The following KIRREL1 variants were observed in gnomAD, a reference collection of about 807,000 sequenced individuals.
KIRREL1 encodes the protein kirre like nephrin family adhesion molecule 1.
KIRREL1 carries 25 observed loss-of-function variants against 83.3 expected under a neutral mutation model. The ratio of observed to expected loss-of-function variants is 0.30; its 90% CI spans 0.22 to 0.42. KIRREL1 has a LOEUF of 0.42. KIRREL1 is among the 10% of genes least tolerant of loss of function. The pLI, the probability that KIRREL1 is intolerant of heterozygous loss-of-function variation, is 1.00. For missense variants in KIRREL1, 812 were observed against 1,032.3 expected (o/e 0.79, Z 2.92); for synonymous variants, 388 against 410.4 (o/e 0.95, Z 0.66).
At chr1:158,072,915 G>A (rs1315552595) in intron 1 of KIRREL1, among the ~76,000 whole-genome samples, 1 of 152,010 alleles carries the variant, frequency 6.6e-6, no homozygotes, top group African/African-American at 2.4e-5. Context: ...GCATTACAAT[G>A]TAAAAGGGGG....
chr1:158,077,958 C>T, intron 2 of KIRREL1, 33 bp from the exon 3 acceptor site: 1 of 1,610,724 alleles, frequency 6.2e-7, no homozygotes, highest in Admixed American at 1.7e-5. Flanking sequence ...GTCCTTGTTT[C>T]AAGGTTGGGC....
At chr1:158,019,260 G>T (rs1356047432) in intron 1 of KIRREL1, among the ~76,000 whole-genome samples, 1 of 152,138 alleles carries the variant, frequency 6.6e-6, no homozygotes, top group African/African-American at 2.4e-5. Flanking sequence ...AAGAGCTGAG[G>T]CATAGCTCTG....
chr1:158,021,157 G>A (rs765951435), intron 1 of KIRREL1, among the ~76,000 whole-genome samples: 6 of 152,020 alleles, frequency 3.9e-5, no homozygotes, highest in Non-Finnish European at 7.4e-5. Context: ...AAAAAATGCC[G>A]TATCCTAGGG....
intron 1 of KIRREL1, among the ~76,000 whole-genome samples, chr1:158,054,212 C>CAAAAAAA (rs57034495): frequency 3.5e-5 from 3 of 85,096 alleles, no homozygotes; most frequent in East Asian, 3.0e-4. Context: ...GACTCCATCT[C>CAAAAAAA]AAAAAAAAAA....
intron 1 of KIRREL1, among the ~76,000 whole-genome samples, chr1:158,002,272 C>A (rs1471640484): frequency 6.6e-6 from 1 of 152,178 alleles, no homozygotes; most frequent in Non-Finnish European, 1.5e-5. Flanking sequence ...CTCTTTGTTA[C>A]CTGTCCCCCC....
chr1:158,006,514 C>T (rs2101628991), intron 1 of KIRREL1, among the ~76,000 whole-genome samples: 1 of 152,344 alleles, frequency 6.6e-6, no homozygotes, highest in South Asian at 2.1e-4. Flanking sequence ...GCGAGACTGC[C>T]TCCTGGGCCC....
chr1:158,018,742 C>T (rs952788098), intron 1 of KIRREL1, among the ~76,000 whole-genome samples: 10 of 152,088 alleles, frequency 6.6e-5, no homozygotes, highest in African/African-American at 2.4e-4. Context: ...GGCCTCCTTC[C>T]CTGGAGGCCA....
chr1:158,035,729 AAGAACCAC>A (rs1434677224), intron 1 of KIRREL1, among the ~76,000 whole-genome samples: 4 of 152,150 alleles, frequency 2.6e-5, no homozygotes, highest in African/African-American at 9.7e-5. Context: ...CGGGGCTTTA[AAGAACCAC>A]TTTGATGGAG....
At position 158,096,666 on chromosome 1, in the gene KIRREL1, A is replaced by G. The variant is rs1169165741; in HGVS notation, c.*1546A>G. On this transcript the variant is annotated 3_prime_UTR_variant, in exon 15 of 15. Transcript: ENST00000359209. ...TCCTCCTCCATGTGCACGCACATCC[A>G]ACACACACCTTCCATGTGACTGCTT... The G allele has an allele frequency of 2.2e-6, 1 of 456,722 alleles. No individual in the cohort carries two copies. The highest frequency in any genetic ancestry group is 1.5e-5 in the South Asian group (1 of 64,568). 28.3% of individuals were successfully genotyped at this position (456,722 alleles called of 1,614,324 possible). A position where few individuals can be genotyped will look rare whatever the true frequency, so the allele number is the denominator to read the frequency against.
chr1:158,041,519 A>G (rs972297408), intron 1 of KIRREL1, among the ~76,000 whole-genome samples: 2 of 152,170 alleles, frequency 1.3e-5, no homozygotes, highest in Non-Finnish European at 2.9e-5. Flanking sequence ...TTGAGTGTCT[A>G]AGGAGAAAGG....
chr1:158,078,548 C>T (rs577741281), intron 3 of KIRREL1, among the ~76,000 whole-genome samples: 5 of 152,280 alleles, frequency 3.3e-5, no homozygotes, highest in South Asian at 2.1e-4. Context: ...TCAGCTGCCT[C>T]GGAGACCCCA....
At chr1:158,028,520 A>G (rs1224601368) in intron 1 of KIRREL1, among the ~76,000 whole-genome samples, 1 of 152,182 alleles carries the variant, frequency 6.6e-6, no homozygotes, top group Non-Finnish European at 1.5e-5. Context: ...TGGAGTATTC[A>G]TTCCATTTGC....
At chr1:158,010,028 C>T (rs191569188) in intron 1 of KIRREL1, among the ~76,000 whole-genome samples, 2 of 152,212 alleles carry the variant, frequency 1.3e-5, no homozygotes, top group East Asian at 1.9e-4. Flanking sequence ...GTGACCTGGG[C>T]CTATTTTCTT....
chr1:158,002,738 T>C (rs3856267), intron 1 of KIRREL1, among the ~76,000 whole-genome samples: 82,739 of 151,292 alleles, frequency 0.55, 22,777 homozygotes, highest in East Asian at 0.71. Flanking sequence ...TGAGGGGGAG[T>C]GGAGCAGGGA....
chr1:158,078,096 C>T lies in KIRREL1; in HGVS notation c.308C>T (p.Thr103Met), dbSNP rs771201840. The T allele has an allele frequency of 5.6e-6, 9 of 1,614,156 alleles. No individual in the cohort carries two copies. Among genetic ancestry groups the T allele is most frequent in the South Asian group, 4.4e-5 (4 of 91,080 alleles). The change falls in exon 3 of 15, where the codon ACG becomes ATG. Residue 103 changes from threonine to methionine, a missense_variant. Transcript: ENST00000359209. ...SDDASYECQATEAALRSRRAK... is the reference protein window; with the variant it reads ...SDDASYECQAMEAALRSRRAK... ...GACGCCTCTTACGAGTGCCAGGCCA[C>T]GGAGGCCGCCCTGCGCTCTCGGCGG...
At chr1:158,056,467 G>T (rs1661064566) in intron 1 of KIRREL1, among the ~76,000 whole-genome samples, 1 of 152,226 alleles carries the variant, frequency 6.6e-6, no homozygotes, top group African/African-American at 2.4e-5. Flanking sequence ...AGCCCCCAAA[G>T]GCTGATGCTC....
At chr1:158,047,585 G>A (rs1291565991) in intron 1 of KIRREL1, among the ~76,000 whole-genome samples, 1 of 152,156 alleles carries the variant, frequency 6.6e-6, no homozygotes, top group Non-Finnish European at 1.5e-5. Context: ...TGATATATGG[G>A]CGGTGCTTTA....
intron 1 of KIRREL1, among the ~76,000 whole-genome samples, chr1:158,000,912 G>T (rs1313248671): frequency 6.6e-6 from 1 of 152,206 alleles, no homozygotes; most frequent in Non-Finnish European, 1.5e-5. Flanking sequence ...TCCCAGGAGA[G>T]AATGCTGCCG....
chr1:158,095,259 G>A lies in KIRREL1; in HGVS notation c.*139G>A. The A allele has an allele frequency of 1.5e-6, 1 of 677,908 alleles. No individual in the cohort carries two copies. The highest frequency in any genetic ancestry group is 2.4e-6 in the Non-Finnish European group (1 of 408,590). The allele number at this position is 677,908 out of a possible 1,614,324, so 42.0% of individuals were successfully genotyped here. A position where few individuals can be genotyped will look rare whatever the true frequency, so the allele number is the denominator to read the frequency against. On this transcript the variant is annotated 3_prime_UTR_variant, in exon 15 of 15. Transcript: ENST00000359209. The stretch of plus-strand genomic sequence containing the variant: ...TCCCACCATGGCAGGTGGGGAGCAG[G>A]TCTCCCAGAAACACCCCGTCCCGAG...
Sources: allele counts gnomAD v4.1 joint callset (sites outside exome capture counted in the v4.1 genomes callset), GRCh38; gene constraint gnomAD v4.1.1; transcripts MANE v1.5; gene names NCBI Gene and HGNC (gene_info 2026-07-23, HGNC 2026-07-21).